Variants in DLGAP2 observed in about 807,000 individuals in gnomAD.
DLGAP2 encodes DLG associated protein 2.
In DLGAP2, 26 loss-of-function variants were observed where a neutral mutation model predicts 100.3. The observed-to-expected ratio is 0.26, with a 90% confidence interval of 0.19 to 0.36. The LOEUF (loss-of-function observed/expected upper bound fraction) is 0.36, where lower values mean the gene tolerates loss of function less well. Ranked by LOEUF, DLGAP2 falls within the 10% of genes least tolerant of loss-of-function variation. The pLI is 1.00. For missense variants in DLGAP2, 1,858 were observed against 1,453.2 expected (o/e 1.28, Z -4.53); for synonymous variants, 886 against 630.1 (o/e 1.41, Z -6.08).
intron 1 of DLGAP2, among the ~76,000 whole-genome samples, chr8:882,388 G>A (rs574208604): frequency 4.0e-4 from 58 of 145,832 alleles, no homozygotes; most frequent in African/African-American, 1.4e-3. Context: ...TGATCCAGCG[G>A]TACCTCTCCC....
chr8:964,583 C>T (rs897472495), intron 2 of DLGAP2, among the ~76,000 whole-genome samples: 4 of 152,262 alleles, frequency 2.6e-5, no homozygotes, highest in African/African-American at 2.4e-5. Flanking sequence ...GTGTTCCCCA[C>T]GCGGGAAGCC....
At chr8:1,089,263 G>A (rs1170924110) in intron 2 of DLGAP2, among the ~76,000 whole-genome samples, 1 of 152,266 alleles carries the variant, frequency 6.6e-6, no homozygotes, top group Non-Finnish European at 1.5e-5. Flanking sequence ...TCTTAGGCCT[G>A]CACAGGCTTT....
chr8:1,481,314 A>T (rs1799086387), intron 3 of DLGAP2, among the ~76,000 whole-genome samples: 1 of 152,192 alleles, frequency 6.6e-6, no homozygotes, highest in African/African-American at 2.4e-5. Context: ...ATAGTGTGAT[A>T]ACTGATGAGC....
intron 1 of DLGAP2, among the ~76,000 whole-genome samples, chr8:866,471 C>CTATTCA (rs1254176491): frequency 6.6e-5 from 10 of 152,184 alleles, no homozygotes; most frequent in Non-Finnish European, 1.0e-4. Context: ...TTTCAGTTCC[C>CTATTCA]GTCTGCATAG....
intron 2 of DLGAP2, among the ~76,000 whole-genome samples, chr8:1,082,190 G>C (rs1242743664): frequency 6.6e-6 from 1 of 152,120 alleles, no homozygotes; most frequent in African/African-American, 2.4e-5. Flanking sequence ...TCCATCTCTT[G>C]TCGATCTAGA....
intron 2 of DLGAP2, among the ~76,000 whole-genome samples, chr8:1,061,465 C>G (rs866873194): frequency 1.3e-4 from 20 of 152,166 alleles, no homozygotes; most frequent in Admixed American, 2.0e-4. Flanking sequence ...AGTTATAACT[C>G]TGCAGCCCAT....
intron 6 of DLGAP2, among the ~76,000 whole-genome samples, chr8:1,602,914 C>T (rs1016994555): frequency 2.0e-5 from 3 of 152,212 alleles, no homozygotes; most frequent in Admixed American, 6.5e-5. Flanking sequence ...TGTCGAGTGC[C>T]GCGAGGGAAA....
At chr8:1,067,604 CGTGTGTGTGTGTGTGTGTGTGT>C (rs3220190) in intron 2 of DLGAP2, among the ~76,000 whole-genome samples, 7 of 140,304 alleles carry the variant, frequency 5.0e-5, no homozygotes, top group African/African-American at 1.1e-4. Flanking sequence ...GGTTGAGTGA[CGTGTGTGTGTGTGTGTGTGTGT>C]GTGTGTGTGT....
At chr8:1,197,737 AC>A (rs1291858183) in intron 2 of DLGAP2, among the ~76,000 whole-genome samples, 1 of 152,002 alleles carries the variant, frequency 6.6e-6, no homozygotes, top group Non-Finnish European at 1.5e-5. Flanking sequence ...GTCCATATAA[AC>A]CTGAGCCACG....
intron 2 of DLGAP2, among the ~76,000 whole-genome samples, chr8:1,186,520 C>G (rs551983932): frequency 6.6e-6 from 1 of 152,154 alleles, no homozygotes; most frequent in Admixed American, 6.5e-5. Flanking sequence ...GACTTCCAGG[C>G]GCCTTATCCT....
intron 2 of DLGAP2, among the ~76,000 whole-genome samples, chr8:980,774 C>T (rs573508252): frequency 3.9e-5 from 6 of 152,052 alleles, no homozygotes; most frequent in African/African-American, 7.2e-5. Flanking sequence ...AATGGGGGCT[C>T]GACAGGTGGC....
chr8:1,615,261 C>G (rs1336623064), intron 6 of DLGAP2, among the ~76,000 whole-genome samples: 2 of 152,298 alleles, frequency 1.3e-5, no homozygotes, highest in East Asian at 1.9e-4. Flanking sequence ...CCATCTGCAG[C>G]CTCCCCAGGC....
chr8:1,501,265 G>C, intron 3 of DLGAP2, 101 bp from the exon 4 acceptor site: 1 of 1,260,050 alleles, frequency 7.9e-7, no homozygotes, highest in Non-Finnish European at 1.1e-6. Flanking sequence ...TGTCTGTCAT[G>C]TTTGAACTGT....
At position 872,551 on chromosome 8, in the gene DLGAP2, C is replaced by T. The variant is rs546010094; in HGVS notation, c.19-35361C>T. Among the ~76,000 whole-genome samples the T allele has an allele frequency of 7.2e-5, 11 of 152,212 alleles. No homozygotes were observed. In the South Asian group the frequency reaches 2.3e-3, roughly 32 times the overall value. ...TTCTCCATGTTGGCCAGGCTGGTCT[C>T]AAACTGACCTCAGGTGATCCACCCA... On this transcript the variant is annotated intron_variant, in intron 1 of 14. Coordinates refer to ENST00000637795, the MANE Select transcript of DLGAP2 (RefSeq NM_001346810.2).
chr8:1,163,371 C>G (rs1796929799), intron 2 of DLGAP2, among the ~76,000 whole-genome samples: 1 of 152,222 alleles, frequency 6.6e-6, no homozygotes, highest in Non-Finnish European at 1.5e-5. Context: ...CTCCGCTCAG[C>G]GGGTCCGCGG....
chr8:898,226 G>A (rs1225888659), intron 1 of DLGAP2, among the ~76,000 whole-genome samples: 1 of 152,142 alleles, frequency 6.6e-6, no homozygotes. Flanking sequence ...GTTTGCTTTG[G>A]AAATGTTTAT....
At chr8:1,673,035 C>G (rs1798729585) in intron 10 of DLGAP2, among the ~76,000 whole-genome samples, 1 of 152,262 alleles carries the variant, frequency 6.6e-6, no homozygotes, top group Non-Finnish European at 1.5e-5. Flanking sequence ...GACGCCGCTG[C>G]TAGCCTGGGA....
chr8:1,494,289 T>G (rs961266958), intron 3 of DLGAP2, among the ~76,000 whole-genome samples: 1 of 152,274 alleles, frequency 6.6e-6, no homozygotes, highest in African/African-American at 2.4e-5. Context: ...TCCTTTTGCT[T>G]CCGCATTAGC....
rs561535385 is a variant in DLGAP2 at position 868,243 on chromosome 8, A to G, written c.19-39669A>G. Among the ~76,000 whole-genome samples the G allele has an allele frequency of 5.3e-5, 8 of 152,288 alleles. No homozygotes were observed. The East Asian group carries it at 1.5e-3, about 29-fold the overall frequency. On this transcript the variant is annotated intron_variant, in intron 1 of 14. Coordinates refer to ENST00000637795, the MANE Select transcript of DLGAP2 (RefSeq NM_001346810.2). ...ATTTTTGTCTGTCCTGTGGGGTCAC[A>G]TGTTCTGGAATAGCTGTGGCTCTTG... is the stretch of plus-strand genomic sequence containing the variant.
Sources: allele counts gnomAD v4.1 joint callset (sites outside exome capture counted in the v4.1 genomes callset), GRCh38; gene constraint gnomAD v4.1.1; transcripts MANE v1.5; gene names NCBI Gene and HGNC (gene_info 2026-07-23, HGNC 2026-07-21).